The following GRHL2 variants were observed in gnomAD, a reference collection of about 807,000 sequenced individuals.
GRHL2 encodes grainyhead-like protein 2 homolog.
Under a neutral mutation model 83.8 loss-of-function variants are expected in GRHL2, and 21 were observed. The ratio of observed to expected loss-of-function variants is 0.25; its 90% CI spans 0.18 to 0.36. The LOEUF (loss-of-function observed/expected upper bound fraction) is 0.36. Ranked by LOEUF, GRHL2 falls within the 10% of genes least tolerant of loss-of-function variation. GRHL2 has a pLI of 1.00. For missense variants in GRHL2, 623 were observed against 781.8 expected, an observed-to-expected ratio of 0.80 and a Z score of 2.42; for synonymous variants, 280 against 278.9, an observed-to-expected ratio of 1.00 and a Z score of -0.04.
chr8:101,515,155 T>A (rs987474561), intron 1 of GRHL2, among the ~76,000 whole-genome samples: 2 of 130,684 alleles, frequency 1.5e-5, no homozygotes, highest in Non-Finnish European at 3.2e-5. Flanking sequence ...TCCCTCTCTC[T>A]TTCTCTCTCT....
chr8:101,604,837 T>G (rs1812597730), intron 8 of GRHL2, among the ~76,000 whole-genome samples: 1 of 152,202 alleles, frequency 6.6e-6, no homozygotes, highest in Admixed American at 6.5e-5. Context: ...TTTATGATTT[T>G]TAGAAAAGTC....
chr8:101,670,095 A>G (rs1360132575), downstream of GRHL2, among the ~76,000 whole-genome samples: 1 of 152,150 alleles, frequency 6.6e-6, no homozygotes, highest in Non-Finnish European at 1.5e-5. Flanking sequence ...GTTCACCTGC[A>G]CCAACCTCTG....
chr8:101,523,076 AT>A lies in GRHL2; in HGVS notation c.21-20155del, dbSNP rs528653608. Among the ~76,000 whole-genome samples, 49 of 149,286 alleles carry A rather than the reference AT, an allele frequency of 3.3e-4. No individual in the cohort carries two copies. In the East Asian group the frequency reaches 7.5e-3, roughly 23 times the overall value. On this transcript the variant is annotated intron_variant, in intron 1 of 15. Coordinates refer to ENST00000646743, the MANE Select transcript of GRHL2 (RefSeq NM_024915.4). The stretch of plus-strand genomic sequence containing the variant: ...AGGCACCCGCCACCATGCCCCGCTA[AT>A]TTTTTTTTTATTTTTCGTAAAGATG...
intron 8 of GRHL2, among the ~76,000 whole-genome samples, chr8:101,615,476 T>C (rs973468854): frequency 2.6e-5 from 4 of 152,170 alleles, no homozygotes; most frequent in African/African-American, 9.7e-5. Flanking sequence ...GCTCCTGTAG[T>C]TCTAGGCAGG....
chr8:101,640,319 T>A (rs1435246850), intron 12 of GRHL2, among the ~76,000 whole-genome samples: 5 of 152,186 alleles, frequency 3.3e-5, no homozygotes, highest in Non-Finnish European at 5.9e-5. Context: ...GATTTTTTTT[T>A]AAATCATAGC....
the GRHL2 span, among the ~76,000 whole-genome samples, chr8:101,679,441 A>G: frequency 1.3e-5 from 2 of 150,252 alleles, no homozygotes; most frequent in Non-Finnish European, 2.9e-5. Flanking sequence ...GACCAAATCT[A>G]CTTCTGATTG....
intron 7 of GRHL2, 61 bp downstream of exon 7, chr8:101,577,580 A>G: frequency 8.9e-7 from 1 of 1,127,278 alleles, no homozygotes. Flanking sequence ...TCTCAATGCC[A>G]AGGGGAGCCT....
chr8:101,608,647 G>A (rs1279189259), intron 8 of GRHL2, among the ~76,000 whole-genome samples: 1 of 151,952 alleles, frequency 6.6e-6, no homozygotes, highest in Admixed American at 6.6e-5. Context: ...AAAGTTGAAA[G>A]ACTAATACAT....
chr8:101,619,336 T>C (rs994192965), intron 8 of GRHL2, among the ~76,000 whole-genome samples: 3 of 152,224 alleles, frequency 2.0e-5, no homozygotes, highest in African/African-American at 4.8e-5. Context: ...AGATTAAATA[T>C]GAAAGCAGAT....
chr8:101,575,135 A>G (rs183397227), intron 6 of GRHL2, among the ~76,000 whole-genome samples: 2 of 152,220 alleles, frequency 1.3e-5, no homozygotes, highest in East Asian at 1.9e-4. Context: ...CTCTCTGGAT[A>G]TATTTCCTAT....
At chr8:101,616,130 T>C (rs1812852017) in intron 8 of GRHL2, among the ~76,000 whole-genome samples, 1 of 150,638 alleles carries the variant, frequency 6.6e-6, no homozygotes, top group Non-Finnish European at 1.5e-5. Flanking sequence ...TTTCTTTCTT[T>C]TTCTTTCTTT....
At chr8:101,569,923 T>C (rs1563585447) in intron 4 of GRHL2, among the ~76,000 whole-genome samples, 1 of 152,276 alleles carries the variant, frequency 6.6e-6, no homozygotes, top group Non-Finnish European at 1.5e-5. Context: ...TCAGAAACTA[T>C]GTTCTTAACC....
chr8:101,656,873 G>GACACAC lies in GRHL2; in HGVS notation c.1698+7402_1698+7407dup, dbSNP rs35693999. ...GTTAGTGTATTTTATGTGTCTAACA[G>GACACAC]ACACACACACACACACACACACACA... On this transcript the variant is annotated intron_variant, in intron 14 of 15. Transcript: ENST00000646743. Among the ~76,000 whole-genome samples, 448 of 147,360 alleles carry GACACAC rather than the reference G, an allele frequency of 3.0e-3. 3 individuals are homozygous for GACACAC. The highest frequency in any genetic ancestry group is 0.017 in the East Asian group (84 of 5,000).
chr8:101,510,078 C>A (rs773467654), intron 1 of GRHL2, among the ~76,000 whole-genome samples: 1 of 152,086 alleles, frequency 6.6e-6, no homozygotes, highest in Non-Finnish European at 1.5e-5. Flanking sequence ...GCAGCCTTGA[C>A]CTCCCAGGCC....
At chr8:101,529,735 A>G (rs1402977785) in intron 1 of GRHL2, among the ~76,000 whole-genome samples, 3 of 152,122 alleles carry the variant, frequency 2.0e-5, no homozygotes, top group Non-Finnish European at 2.9e-5. Flanking sequence ...ATTTCCTTAC[A>G]TTCTCAGTTC....
chr8:101,667,051 G>A lies in GRHL2; in HGVS notation c.*348G>A. On this transcript the variant is annotated 3_prime_UTR_variant, in exon 16 of 16. Coordinates refer to ENST00000646743, the MANE Select transcript of GRHL2 (RefSeq NM_024915.4). ...ACCGTCCAGCGTTCCCCCTTCAAGA[G>A]AAACACTCATCCCGAACAGCCTAAA... 1 of 375,704 alleles carries A rather than the reference G, an allele frequency of 2.7e-6. No individual in the cohort carries two copies. The highest frequency in any genetic ancestry group is 5.5e-5 in the East Asian group (1 of 18,090). The allele number at this position is 375,704 out of a possible 1,614,324, so 23.3% of individuals were successfully genotyped here.
intron 4 of GRHL2, among the ~76,000 whole-genome samples, chr8:101,563,708 TA>T (rs1477783060): frequency 3.4e-5 from 5 of 146,454 alleles, no homozygotes; most frequent in African/African-American, 1.3e-4. Context: ...TTAGCAAACT[TA>T]TTTTTTTTTT....
intron 14 of GRHL2, among the ~76,000 whole-genome samples, chr8:101,661,491 C>G (rs1813920523): frequency 6.6e-6 from 1 of 152,172 alleles, no homozygotes; most frequent in Non-Finnish European, 1.5e-5. Flanking sequence ...ACACACACAT[C>G]CTCCCATGTA....
intron 8 of GRHL2, among the ~76,000 whole-genome samples, chr8:101,601,559 A>C (rs965595245): frequency 7.9e-5 from 12 of 152,290 alleles, no homozygotes; most frequent in African/African-American, 2.6e-4. Flanking sequence ...GTGAGTGTGC[A>C]TGTGTATGAA....
Sources: gnomAD v4.1 joint callset for allele counts (sites outside exome capture counted in the v4.1 genomes callset) on GRCh38, gnomAD v4.1.1 for gene constraint, MANE v1.5 for transcripts, NCBI Gene and HGNC (gene_info 2026-07-23, HGNC 2026-07-21) for gene names.